PTPRJ: variants seen among roughly 807,000 people sequenced by gnomAD.
PTPRJ encodes receptor-type tyrosine-protein phosphatase eta.
In PTPRJ, 129 loss-of-function variants were observed where a neutral mutation model predicts 141.3. The observed-to-expected ratio is 0.91, with a 90% CI of 0.79 to 1.06. The LOEUF is 1.06. PTPRJ is among the 50% of genes least tolerant of loss of function. PTPRJ has a pLI of 0.00. For missense variants in PTPRJ, 1,601 were observed against 1,679.7 expected (o/e 0.95, Z 0.82); for synonymous variants, 610 against 640.5 (o/e 0.95, Z 0.72).
chr11:48,145,327 C>A (rs1434600448), intron 14 of PTPRJ, among the ~76,000 whole-genome samples: 1 of 152,146 alleles, frequency 6.6e-6, no homozygotes, highest in Non-Finnish European at 1.5e-5. Flanking sequence ...GGACCCCACA[C>A]TCTCCCTTCT....
chr11:48,049,407 G>T (rs1590439032), intron 1 of PTPRJ, among the ~76,000 whole-genome samples: 1 of 152,044 alleles, frequency 6.6e-6, no homozygotes, highest in African/African-American at 2.4e-5. Context: ...GCTGGGCACG[G>T]TGGCTCACAC....
intron 4 of PTPRJ, among the ~76,000 whole-genome samples, chr11:48,122,168 C>T (rs766229198): frequency 1.3e-5 from 2 of 152,132 alleles, no homozygotes; most frequent in Non-Finnish European, 2.9e-5. Flanking sequence ...TCCTGGAGCT[C>T]CTCAGAGCAC....
chr11:48,149,891 C>T, intron 16 of PTPRJ, 99 bp from the exon 17 acceptor site: 1 of 922,228 alleles, frequency 1.1e-6, no homozygotes, highest in Middle Eastern at 3.5e-4. Flanking sequence ...AAATTATACC[C>T]TGGGTTTTGT....
intron 1 of PTPRJ, among the ~76,000 whole-genome samples, chr11:48,066,179 T>C (rs1318478735): frequency 6.6e-6 from 1 of 151,976 alleles, no homozygotes; most frequent in Admixed American, 6.6e-5. Flanking sequence ...ACCAAAGTAA[T>C]GCGTATTGCA....
chr11:48,140,067 T>C (rs1453379177), intron 11 of PTPRJ, among the ~76,000 whole-genome samples: 1 of 152,190 alleles, frequency 6.6e-6, no homozygotes, highest in East Asian at 1.9e-4. Context: ...GGAGTCTTGC[T>C]CTTGTCACCC....
At chr11:48,052,881 T>C (rs1294877688) in intron 1 of PTPRJ, among the ~76,000 whole-genome samples, 1 of 151,254 alleles carries the variant, frequency 6.6e-6, no homozygotes, top group Non-Finnish European at 1.5e-5. Flanking sequence ...ACCACCTCAC[T>C]ATGCAGTACG....
intron 1 of PTPRJ, among the ~76,000 whole-genome samples, chr11:48,081,854 T>C (rs1243063212): frequency 1.3e-5 from 2 of 152,116 alleles, no homozygotes; most frequent in African/African-American, 4.8e-5. Flanking sequence ...CAGGGCTCTG[T>C]TGTTGGGCTG....
chr11:48,166,289 GCA>G (rs140824322), intron 24 of PTPRJ, among the ~76,000 whole-genome samples: 5 of 150,630 alleles, frequency 3.3e-5, no homozygotes, highest in African/African-American at 7.3e-5. Flanking sequence ...ACACACACAC[GCA>G]CACACAGTAC....
chr11:48,047,743 G>C (rs1854447746), intron 1 of PTPRJ, among the ~76,000 whole-genome samples: 2 of 152,104 alleles, frequency 1.3e-5, no homozygotes, highest in Admixed American at 1.3e-4. Flanking sequence ...TTTAAACTCT[G>C]CTCAAAGTTT....
chr11:48,034,610 A>T (rs1339992715), intron 1 of PTPRJ, among the ~76,000 whole-genome samples: 1 of 152,176 alleles, frequency 6.6e-6, no homozygotes, highest in Non-Finnish European at 1.5e-5. Context: ...TGTACATATT[A>T]CTTGTTTAGT....
At chr11:48,051,446 C>G (rs558992489) in intron 1 of PTPRJ, among the ~76,000 whole-genome samples, 7 of 152,152 alleles carry the variant, frequency 4.6e-5, no homozygotes, top group Non-Finnish European at 7.3e-5. Context: ...CTTTTCCCCC[C>G]ACCCATGGCA....
intron 1 of PTPRJ, among the ~76,000 whole-genome samples, chr11:48,051,389 C>G (rs1386717783): frequency 6.6e-6 from 1 of 152,196 alleles, no homozygotes; most frequent in Non-Finnish European, 1.5e-5. Flanking sequence ...GCCATTGCAC[C>G]TGGCCGTGTT....
intron 1 of PTPRJ, among the ~76,000 whole-genome samples, chr11:48,068,611 A>G (rs1855147414): frequency 6.6e-6 from 1 of 152,228 alleles, no homozygotes; most frequent in South Asian, 2.1e-4. Context: ...TTGCAGCATG[A>G]GAACAGACTA....
intron 1 of PTPRJ, among the ~76,000 whole-genome samples, chr11:48,075,795 C>G (rs1218776311): frequency 3.9e-5 from 6 of 152,204 alleles, no homozygotes; most frequent in African/African-American, 1.4e-4. Context: ...CTGCTGCTTT[C>G]TGCCACATTT....
At chr11:48,026,002 A>G (rs1853799102) in intron 1 of PTPRJ, among the ~76,000 whole-genome samples, 1 of 152,198 alleles carries the variant, frequency 6.6e-6, no homozygotes, top group Non-Finnish European at 1.5e-5. Context: ...TCTGGACAAA[A>G]GGCACATTCT....
chr11:48,096,116 GT>G (rs1565300704), intron 1 of PTPRJ, among the ~76,000 whole-genome samples: 1 of 152,136 alleles, frequency 6.6e-6, no homozygotes, highest in Non-Finnish European at 1.5e-5. Flanking sequence ...GTTCATTGCC[GT>G]TTACAGAATT....
intron 1 of PTPRJ, among the ~76,000 whole-genome samples, chr11:48,049,931 G>GA (rs1252527396): frequency 6.6e-6 from 1 of 152,044 alleles, no homozygotes. Flanking sequence ...AAGCTTGGGG[G>GA]AAAAATCATA....
chr11:48,165,870 T>C (rs1857904315), intron 24 of PTPRJ, among the ~76,000 whole-genome samples: 1 of 152,092 alleles, frequency 6.6e-6, no homozygotes, highest in Non-Finnish European at 1.5e-5. Context: ...CTCCTCTTTT[T>C]TTTTTTTTTG....
At chr11:48,054,608 CTGTGGTCTTGCCCACGGACT>C (rs1284691026) in intron 1 of PTPRJ, among the ~76,000 whole-genome samples, 1 of 152,034 alleles carries the variant, frequency 6.6e-6, no homozygotes, top group East Asian at 1.9e-4. Flanking sequence ...TTTGCCCTCT[CTGTGGTCTTGCCCACGGACT>C]TGTAGTCCCT....
Sources: gnomAD v4.1 joint callset for allele counts (sites outside exome capture counted in the v4.1 genomes callset) on GRCh38, gnomAD v4.1.1 for gene constraint, MANE v1.5 for transcripts, NCBI Gene and HGNC (gene_info 2026-07-23, HGNC 2026-07-21) for gene names.